PCDH15: variants seen among roughly 807,000 people sequenced by gnomAD.
The protein encoded by PCDH15 is protocadherin-15.
Under a neutral mutation model 178.5 loss-of-function variants are expected in PCDH15, and 129 were observed. The observed-to-expected ratio is 0.72, with a 90% CI of 0.63 to 0.84. The LOEUF (loss-of-function observed/expected upper bound fraction) is 0.84. PCDH15 is among the 40% of genes least tolerant of loss of function. PCDH15 has a pLI of 0.00. For missense variants in PCDH15, 2,230 were observed against 2,099.9 expected (o/e 1.06, Z -1.21); for synonymous variants, 800 against 732.0 (o/e 1.09, Z -1.50).
At chr10:55,461,167 C>T (rs569237707) in intron 2 of PCDH15, among the ~76,000 whole-genome samples, 5 of 152,114 alleles carry the variant, frequency 3.3e-5, no homozygotes, top group Non-Finnish European at 2.9e-5. Flanking sequence ...ATCTCTAGAG[C>T]TTTCTCTCCG....
chr10:54,090,493 A>G (rs1369766690), intron 15 of PCDH15, among the ~76,000 whole-genome samples: 1 of 151,994 alleles, frequency 6.6e-6, no homozygotes, highest in African/African-American at 2.4e-5. Context: ...AAACACAAGA[A>G]GTTACCCGGG....
At chr10:54,484,226 T>C (rs1159656339) in intron 3 of PCDH15, among the ~76,000 whole-genome samples, 2 of 151,872 alleles carry the variant, frequency 1.3e-5, no homozygotes, top group Non-Finnish European at 2.9e-5. Flanking sequence ...GAACAGAGCA[T>C]AATAAGTGGC....
chr10:55,601,913 A>T (rs1299937198), intron 2 of PCDH15, among the ~76,000 whole-genome samples: 1 of 152,128 alleles, frequency 6.6e-6, no homozygotes, highest in South Asian at 2.1e-4. Flanking sequence ...GAACAGCTCC[A>T]GTCTACAGCT....
chr10:54,897,862 T>C (rs1954571313), intron 2 of PCDH15, among the ~76,000 whole-genome samples: 1 of 152,164 alleles, frequency 6.6e-6, no homozygotes, highest in Non-Finnish European at 1.5e-5. Context: ...TGCTAGATAT[T>C]TTACCTAAAA....
intron 2 of PCDH15, among the ~76,000 whole-genome samples, chr10:55,559,989 A>G (rs1842164281): frequency 6.6e-6 from 1 of 151,972 alleles, no homozygotes; most frequent in African/African-American, 2.4e-5. Flanking sequence ...GCCTAGACTC[A>G]TACAACACTG....
intron 13 of PCDH15, 27 bp from the exon 14 acceptor site, chr10:54,153,320 C>A: frequency 1.2e-6 from 2 of 1,612,504 alleles, no homozygotes; most frequent in Non-Finnish European, 1.7e-6. Flanking sequence ...CAACATAAAT[C>A]CTCTTGGGTC....
At chr10:55,558,092 G>T (rs1589136949) in intron 2 of PCDH15, among the ~76,000 whole-genome samples, 1 of 151,966 alleles carries the variant, frequency 6.6e-6, no homozygotes, top group Non-Finnish European at 1.5e-5. Flanking sequence ...CCTAGTGCTG[G>T]CATAATAGAT....
At chr10:54,156,768 G>A (rs958055570) in intron 13 of PCDH15, among the ~76,000 whole-genome samples, 1 of 152,196 alleles carries the variant, frequency 6.6e-6, no homozygotes, top group Non-Finnish European at 1.5e-5. Flanking sequence ...CTACGAGCCT[G>A]TCAAATCAAA....
At chr10:55,587,974 T>A (rs1842760577) in intron 2 of PCDH15, among the ~76,000 whole-genome samples, 1 of 152,178 alleles carries the variant, frequency 6.6e-6, no homozygotes, top group African/African-American at 2.4e-5. Context: ...GTTTTGACAC[T>A]TGTACAAGTG....
chr10:54,226,829 G>A (rs888935743), intron 9 of PCDH15, among the ~76,000 whole-genome samples: 10 of 152,234 alleles, frequency 6.6e-5, no homozygotes, highest in African/African-American at 1.2e-4. Flanking sequence ...TGGCCAAAAC[G>A]AAGGGTCTAC....
At position 55,100,305 on chromosome 10, in the gene PCDH15, T is replaced by A. The variant is rs182072603; in HGVS notation, c.-80+66271A>T. ...TTAAATTGAAAGCTTTCTTTAGATG[T>A]TCAATACATATTTTAGGAACATTTA... On this transcript the variant is annotated intron_variant, in intron 2 of 5. Transcript: ENST00000458638. Among the ~76,000 whole-genome samples the A allele has an allele frequency of 1.4e-3, 220 of 152,276 alleles. 2 individuals are homozygous for A. Among genetic ancestry groups the A allele is most frequent in the Non-Finnish European group, 1.4e-3 (92 of 68,020 alleles).
chr10:54,370,452 A>G (rs982651317), intron 4 of PCDH15, among the ~76,000 whole-genome samples: 4 of 151,936 alleles, frequency 2.6e-5, no homozygotes, highest in Non-Finnish European at 5.9e-5. Context: ...GAAGCTCAAT[A>G]CAACCTGTGT....
chr10:55,569,087 G>A (rs1842358275), intron 2 of PCDH15, among the ~76,000 whole-genome samples: 2 of 152,042 alleles, frequency 1.3e-5, no homozygotes, highest in Admixed American at 1.3e-4. Context: ...CACAATTCTA[G>A]TTATGCATCA....
intron 2 of PCDH15, among the ~76,000 whole-genome samples, chr10:55,452,111 C>A (rs1210701757): frequency 6.6e-6 from 1 of 152,008 alleles, no homozygotes; most frequent in East Asian, 1.9e-4. Flanking sequence ...TTTTATTAGA[C>A]AGAATAATAC....
chr10:54,184,225 C>G (rs1452911476), intron 12 of PCDH15, among the ~76,000 whole-genome samples: 3 of 152,270 alleles, frequency 2.0e-5, no homozygotes, highest in African/African-American at 7.2e-5. Flanking sequence ...CACTTTGTAT[C>G]TAACTTTTAA....
At chr10:54,149,933 T>C (rs572749746) in intron 14 of PCDH15, among the ~76,000 whole-genome samples, 1 of 151,922 alleles carries the variant, frequency 6.6e-6, no homozygotes, top group South Asian at 2.1e-4. Context: ...ATGTGTGGAG[T>C]TGGGGAGGAA....
intron 21 of PCDH15, among the ~76,000 whole-genome samples, chr10:53,990,735 C>G (rs570145997): frequency 1.3e-5 from 2 of 152,050 alleles, no homozygotes; most frequent in Admixed American, 6.5e-5. Context: ...TTCAGCCCAC[C>G]GCTGCACTGT....
At chr10:54,403,478 G>A (rs1262825135) in intron 3 of PCDH15, among the ~76,000 whole-genome samples, 1 of 152,090 alleles carries the variant, frequency 6.6e-6, no homozygotes, top group Non-Finnish European at 1.5e-5. Context: ...AAAACTCACA[G>A]CCAACATTAT....
chr10:53,904,579 T>C (rs2082545174), intron 25 of PCDH15, among the ~76,000 whole-genome samples: 1 of 152,080 alleles, frequency 6.6e-6, no homozygotes, highest in Admixed American at 6.5e-5. Flanking sequence ...GTTTGTCATC[T>C]GTGACCTGGA....
Sources: allele counts gnomAD v4.1 joint callset (sites outside exome capture counted in the v4.1 genomes callset), GRCh38; gene constraint gnomAD v4.1.1; transcripts MANE v1.5; gene names NCBI Gene and HGNC (gene_info 2026-07-23, HGNC 2026-07-21).